Variants in COL24A1 observed in about 807,000 individuals in gnomAD.
COL24A1 encodes collagen alpha-1(XXIV) chain.
COL24A1 carries 224 observed loss-of-function variants against 253.9 expected under a neutral mutation model. The observed-to-expected ratio is 0.88, with a 90% CI of 0.79 to 0.99. COL24A1 has a LOEUF of 0.99. COL24A1 is among the 50% of genes least tolerant of loss of function. The probability of loss-of-function intolerance (pLI) is 0.00; values close to 1 mark genes in which losing one functional copy is unlikely to be tolerated. For synonymous variants in COL24A1, 685 were observed against 673.7 expected (o/e 1.02, Z -0.26); for missense variants, 2,131 against 2,068.5 (o/e 1.03, Z -0.59).
intron 37 of COL24A1, among the ~76,000 whole-genome samples, chr1:85,853,735 T>C (rs1678086039): frequency 6.6e-6 from 1 of 152,230 alleles, no homozygotes; most frequent in African/African-American, 2.4e-5. Flanking sequence ...ATTGAGCATT[T>C]TTTCATCTAC....
chr1:85,764,116 A>G (rs1407528717), intron 53 of COL24A1, among the ~76,000 whole-genome samples: 1 of 151,944 alleles, frequency 6.6e-6, no homozygotes, highest in Non-Finnish European at 1.5e-5. Context: ...AGGCTGGCTC[A>G]GTTGCACAGA....
chr1:86,060,717 A>G (rs1701026410), intron 8 of COL24A1, among the ~76,000 whole-genome samples: 1 of 152,066 alleles, frequency 6.6e-6, no homozygotes, highest in Non-Finnish European at 1.5e-5. Flanking sequence ...TTCTACATTT[A>G]AAGAACCTAA....
intron 24 of COL24A1, among the ~76,000 whole-genome samples, chr1:85,920,312 G>C (rs997923206): frequency 2.6e-5 from 4 of 152,208 alleles, no homozygotes; most frequent in African/African-American, 9.6e-5. Flanking sequence ...TGGTGAAAGT[G>C]TATTCCAAGC....
At chr1:85,841,980 C>T in intron 41 of COL24A1, 88 bp downstream of exon 41, 6 of 1,167,514 alleles carry the variant, frequency 5.1e-6, no homozygotes, top group East Asian at 2.4e-5. Context: ...TCTTTTATTC[C>T]TTGAAAATTT....
intron 37 of COL24A1, among the ~76,000 whole-genome samples, chr1:85,850,765 T>C (rs1677667838): frequency 6.6e-6 from 1 of 152,042 alleles, no homozygotes; most frequent in South Asian, 2.1e-4. Context: ...TAAAAGAACA[T>C]CTTCAAAGAC....
intron 24 of COL24A1, among the ~76,000 whole-genome samples, chr1:85,925,385 ACAAAG>A (rs1296119772): frequency 6.6e-6 from 1 of 152,190 alleles, no homozygotes; most frequent in Non-Finnish European, 1.5e-5. Context: ...AGCCAAAAGA[ACAAAG>A]CTGGAGGCAT....
chr1:85,734,263 C>A (rs1663815815), intron 59 of COL24A1, among the ~76,000 whole-genome samples: 1 of 151,986 alleles, frequency 6.6e-6, no homozygotes, highest in Non-Finnish European at 1.5e-5. Flanking sequence ...CTGGTGGGGC[C>A]AGTCAATATG....
intron 7 of COL24A1, among the ~76,000 whole-genome samples, chr1:86,086,601 A>G (rs765654215): frequency 2.6e-5 from 4 of 152,086 alleles, no homozygotes; most frequent in Admixed American, 6.6e-5. Context: ...TAGGAAACCT[A>G]CTCCATAAAA....
chr1:85,942,638 G>T (rs919951077), intron 24 of COL24A1, among the ~76,000 whole-genome samples: 2 of 152,120 alleles, frequency 1.3e-5, no homozygotes, highest in African/African-American at 4.8e-5. Flanking sequence ...AATCACAAAA[G>T]TTCAAAATTC....
intron 2 of COL24A1, among the ~76,000 whole-genome samples, chr1:86,143,818 G>C (rs2102404214): frequency 6.6e-6 from 1 of 152,000 alleles, no homozygotes; most frequent in Non-Finnish European, 1.5e-5. Context: ...ACTTTTTTAA[G>C]TTTTGAAAAA....
intron 19 of COL24A1, among the ~76,000 whole-genome samples, chr1:86,013,545 C>A (rs1019119591): frequency 2.6e-5 from 4 of 152,120 alleles, no homozygotes; most frequent in Non-Finnish European, 5.9e-5. Flanking sequence ...TCAAACTAAC[C>A]AAAAACTGGG....
intron 24 of COL24A1, among the ~76,000 whole-genome samples, chr1:85,912,885 C>T (rs931893570): frequency 6.6e-6 from 1 of 151,992 alleles, no homozygotes; most frequent in East Asian, 1.9e-4. Context: ...TTGCTTACAT[C>T]GATTACGTAT....
At chr1:86,148,497 C>G (rs1393097236) in intron 1 of COL24A1, among the ~76,000 whole-genome samples, 2 of 152,050 alleles carry the variant, frequency 1.3e-5, no homozygotes, top group Non-Finnish European at 2.9e-5. Context: ...TATCCCTCCC[C>G]CTTCCCCCCA....
At chr1:86,049,086 T>C (rs1383776304) in intron 11 of COL24A1, among the ~76,000 whole-genome samples, 1 of 152,304 alleles carries the variant, frequency 6.6e-6, no homozygotes, top group Non-Finnish European at 1.5e-5. Flanking sequence ...CATCCTCCGT[T>C]AGTTTGCTGT....
At chr1:85,771,568 G>A (rs1278618561) in intron 53 of COL24A1, among the ~76,000 whole-genome samples, 1 of 152,152 alleles carries the variant, frequency 6.6e-6, no homozygotes, top group African/African-American at 2.4e-5. Context: ...ACATACGTGT[G>A]CATGTGTCTT....
intron 43 of COL24A1, among the ~76,000 whole-genome samples, chr1:85,826,245 C>A (rs371215039): frequency 1.4e-5 from 2 of 144,452 alleles, no homozygotes; most frequent in South Asian, 2.4e-4. Flanking sequence ...AGATATGCGG[C>A]ATTATTTCTG....
At chr1:86,042,890 T>G (rs1357830310) in intron 12 of COL24A1, among the ~76,000 whole-genome samples, 4 of 152,176 alleles carry the variant, frequency 2.6e-5, no homozygotes, top group African/African-American at 9.6e-5. Flanking sequence ...ATAAGTACTA[T>G]TTTTGCAAAC....
chr1:85,952,625 CA>C (rs1395825879), intron 24 of COL24A1, among the ~76,000 whole-genome samples: 1 of 152,196 alleles, frequency 6.6e-6, no homozygotes, highest in Admixed American at 6.5e-5. Context: ...CAGGAAAGGG[CA>C]AACTACAGCC....
intron 5 of COL24A1, among the ~76,000 whole-genome samples, chr1:86,098,855 G>A (rs572041352): frequency 6.2e-4 from 95 of 152,092 alleles, no homozygotes; most frequent in African/African-American, 2.1e-3. Context: ...TCTCTTCAAC[G>A]TATCATCCAC....
Sources: gnomAD v4.1 joint callset for allele counts (sites outside exome capture counted in the v4.1 genomes callset) on GRCh38, gnomAD v4.1.1 for gene constraint, MANE v1.5 for transcripts, NCBI Gene and HGNC (gene_info 2026-07-23, HGNC 2026-07-21) for gene names.